ITGB3: variants seen among roughly 807,000 people sequenced by gnomAD.
ITGB3 encodes integrin subunit beta 3, also known as integrin beta-3.
ITGB3 carries 48 observed loss-of-function variants against 85.8 expected under a neutral mutation model. The observed-to-expected ratio is 0.56, with a 90% confidence interval of 0.44 to 0.71. The LOEUF (loss-of-function observed/expected upper bound fraction) is 0.71. Ranked by LOEUF, ITGB3 falls within the 30% of genes least tolerant of loss-of-function variation. ITGB3 has a pLI of 0.00. For missense variants in ITGB3, 861 were observed against 1,019.1 expected (o/e 0.84, Z 2.11); for synonymous variants, 363 against 395.6 (o/e 0.92, Z 0.98).
chr17:47,283,393 A>G lies in ITGB3; in HGVS notation c.205A>G (p.Asn69Asp), dbSNP rs1370367308. ...CTCACCTCGCTGTGACCTGAAGGAG[A>G]ATCTGCTGAAGGATAACTGTGCCCC... ...LGSPRCDLKE[N>D]LLKDNCAPES... The change falls in exon 3 of 15, where the codon AAT (asparagine) becomes GAT (aspartate). Residue 69 changes from asparagine to aspartate, a missense_variant. Physicochemically the swap from Asn to Asp is conservative, Grantham distance 23. Coordinates refer to ENST00000559488, the MANE Select transcript of ITGB3 (RefSeq NM_000212.3). 1 of 1,614,000 alleles carries G rather than the reference A, an allele frequency of 6.2e-7. No individual in the cohort carries two copies. Among genetic ancestry groups the G allele is most frequent in the Non-Finnish European group, 8.5e-7 (1 of 1,180,046 alleles).
intron 10 of ITGB3, among the ~76,000 whole-genome samples, chr17:47,297,500 A>G (rs1172841035): frequency 6.6e-6 from 1 of 152,136 alleles, no homozygotes; most frequent in Non-Finnish European, 1.5e-5. Context: ...TACTAAAAAT[A>G]CAAACATTAG....
rs570960779 is a variant in ITGB3 at position 47,310,598 on chromosome 17, G to A, written c.*394G>A. 6.1e-6 allele frequency: 2 copies of A among 326,482 alleles called. No homozygotes were observed. Among genetic ancestry groups the A allele is most frequent in the East Asian group, 1.5e-4 (2 of 13,724 alleles). 20.2% of individuals were successfully genotyped at this position (326,482 alleles called of 1,614,324 possible). On this transcript the variant is annotated 3_prime_UTR_variant, in exon 15 of 15. Transcript: ENST00000559488. ...CCATTGTCCCTGAAGAGAAGGGCAG[G>A]GCTGAGGCCTCTCATTCCAGAGGAA...
In ITGB3 at chr17:47,284,638, C is replaced by T. The variant is rs61736876; in HGVS notation, c.557C>T (p.Pro186Leu). The change falls in exon 4 of 15, where the codon CCT (proline) becomes CTT (leucine). Residue 186 changes from proline (P) to leucine (L), a missense_variant. Coordinates refer to ENST00000559488, the MANE Select transcript of ITGB3 (RefSeq NM_000212.3). ...RIGFGAFVDKPVSPYMYISPP... is the reference protein window; with the variant it reads ...RIGFGAFVDKLVSPYMYISPP... ...GGCTTCGGGGCATTTGTGGACAAGC[C>T]TGTGTCACCATACATGTATATCTCC... The T allele has an allele frequency of 3.6e-4, 581 of 1,614,144 alleles. 4 individuals carry two copies. The African/African-American group carries it at 6.9e-3, about 19-fold the overall frequency.
intron 1 of ITGB3, 43 bp from the exon 2 acceptor site, chr17:47,274,376 C>A: frequency 6.3e-7 from 1 of 1,586,318 alleles, no homozygotes; most frequent in Non-Finnish European, 8.6e-7. Context: ...AGTACCTTCA[C>A]TGAGCCAAAT....
At chr17:47,269,513 G>C (rs576018133) in intron 1 of ITGB3, among the ~76,000 whole-genome samples, 1 of 152,298 alleles carries the variant, frequency 6.6e-6, no homozygotes, top group Non-Finnish European at 1.5e-5. Flanking sequence ...CTAAAGCATA[G>C]GAAGCATGAC....
intron 11 of ITGB3, 138 bp from the exon 12 acceptor site, chr17:47,300,340 C>CGA: frequency 2.0e-6 from 1 of 507,890 alleles, no homozygotes; most frequent in East Asian, 3.5e-5. Flanking sequence ...TACAGGCGCG[C>CGA]GCGCGCGTGT....
chr17:47,261,117 T>G (rs2065007543), intron 1 of ITGB3, among the ~76,000 whole-genome samples: 1 of 152,170 alleles, frequency 6.6e-6, no homozygotes, highest in Non-Finnish European at 1.5e-5. Context: ...CAGCATCTCC[T>G]CATGCAAACC....
rs1361312808 is a variant in ITGB3, at chr17:47,300,558, T to C, written c.1994T>C (p.Ile665Thr). The C allele has an allele frequency of 1.1e-5, 18 of 1,613,962 alleles. No homozygotes were observed. Among genetic ancestry groups the C allele is most frequent in the Middle Eastern group, 1.6e-4 (1 of 6,062 alleles). The change falls in exon 12 of 15, where the codon ATT (isoleucine) becomes ACT (threonine). Residue 665 changes from isoleucine (I) to threonine (T), a missense_variant. Transcript: ENST00000559488. The stretch of plus-strand genomic sequence containing the variant: ...TGCAACCGTTACTGCCGTGACGAGA[T>C]TGAGTCAGTGAAAGAGCTTAGTAAG... ...NTCNRYCRDE[I>T]ESVKELKDTG...
intron 8 of ITGB3, 45 bp downstream of exon 8, chr17:47,290,319 A>T: frequency 6.6e-7 from 1 of 1,518,694 alleles, no homozygotes; most frequent in Non-Finnish European, 9.1e-7. Flanking sequence ...AGTCCACCTC[A>T]TTTGGCTTAC....
At chr17:47,284,389 T>G (rs917044485) in intron 3 of ITGB3, 54 bp from the exon 4 acceptor site, 5 of 1,611,000 alleles carry the variant, frequency 3.1e-6, no homozygotes, top group Non-Finnish European at 4.2e-6. Context: ...CAAATCTGCT[T>G]ATTCAATCTT....
At position 47,292,507 on chromosome 17, in the gene ITGB3, G is replaced by A. The variant is rs780885976; in HGVS notation, c.1629G>A (p.Thr543=). ...ACAGCAGTGACTTTGGCAAGATCAC[G>A]GGCAAGTACTGCGAGTGTGACGACT... ...VCHSSDFGKI[T]GKYCECDDFS... The change falls in exon 10 of 15, where the codon ACG becomes ACA. Residue 543 remains threonine (T), a synonymous_variant. Coordinates refer to ENST00000559488, the MANE Select transcript of ITGB3 (RefSeq NM_000212.3). The A allele has an allele frequency of 5.0e-6, 8 of 1,607,856 alleles. No individual in the cohort carries two copies. Among genetic ancestry groups the A allele is most frequent in the African/African-American group, 2.7e-5 (2 of 74,922 alleles).
intron 2 of ITGB3, chr17:47,279,689 C>A (rs2065076375): frequency 6.6e-6 from 1 of 152,200 alleles, no homozygotes; most frequent in South Asian, 2.1e-4. Flanking sequence ...GCTGATGGAG[C>A]CTGAAGATGC....
chr17:47,292,689 T>C, intron 10 of ITGB3, 121 bp downstream of exon 10: 1 of 995,706 alleles, frequency 1.0e-6, no homozygotes. Context: ...AAGTCAGTGG[T>C]TCCTAATCTT....
At position 47,253,913 on chromosome 17, in the gene ITGB3, G is replaced by A. The variant is rs749973154; in HGVS notation, c.52G>A (p.Gly18Arg). 11 of 1,409,930 alleles carry A rather than the reference G, an allele frequency of 7.8e-6. No homozygotes were observed. The allele number at this position is 1,409,930 out of a possible 1,614,324, so 87.3% of individuals were successfully genotyped here. A position where few individuals can be genotyped will look rare whatever the true frequency, so the allele number is the denominator to read the frequency against. Residue 18 changes from glycine to arginine, a missense_variant, in exon 1 of 15, where the codon GGG becomes AGG. Physicochemically the swap from Gly to Arg is moderately radical, Grantham distance 125. Transcript: ENST00000559488. ...GCTCTGGGCGACTGTGCTGGCGCTG[G>A]GGGCGCTGGCGGGCGTTGGCGTAGG... Reference protein sequence around the residue: ...RPLWATVLALGALAGVGVGGP... With the variant: ...RPLWATVLALRALAGVGVGGP...
At chr17:47,300,345 G>A (rs1334322761) in intron 11 of ITGB3, 133 bp from the exon 12 acceptor site, 11 of 679,386 alleles carry the variant, frequency 1.6e-5, no homozygotes, top group Non-Finnish European at 2.9e-5. Flanking sequence ...GCGCGCGCGC[G>A]CGTGTGTGTG....
At chr17:47,263,791 T>C (rs1266235895) in intron 1 of ITGB3, among the ~76,000 whole-genome samples, 1 of 152,152 alleles carries the variant, frequency 6.6e-6, no homozygotes, top group Non-Finnish European at 1.5e-5. Context: ...GCCCGGCCTA[T>C]CCTGCTTTAT....
chr17:47,302,426 C>T (rs749885069), intron 12 of ITGB3, among the ~76,000 whole-genome samples: 4 of 152,084 alleles, frequency 2.6e-5, no homozygotes, highest in East Asian at 1.9e-4. Context: ...GATCACACAA[C>T]GGGTAGGTAG....
At chr17:47,308,117 G>C (rs1160151433) in intron 14 of ITGB3, among the ~76,000 whole-genome samples, 1 of 149,906 alleles carries the variant, frequency 6.7e-6, no homozygotes. Flanking sequence ...AGTGAGCTGA[G>C]ATTGCACCCT....
At chr17:47,286,627 A>G (rs970879451) in intron 5 of ITGB3, among the ~76,000 whole-genome samples, 2 of 152,210 alleles carry the variant, frequency 1.3e-5, no homozygotes, top group East Asian at 3.8e-4. Context: ...TTTGAACCTC[A>G]GTGGTCTCAG....
Sources: gnomAD v4.1 joint callset for allele counts (sites outside exome capture counted in the v4.1 genomes callset) on GRCh38, gnomAD v4.1.1 for gene constraint, MANE v1.5 for transcripts, NCBI Gene and HGNC (gene_info 2026-07-23, HGNC 2026-07-21) for gene names.